Variants in PTPRT observed in about 807,000 individuals in gnomAD.
PTPRT encodes the protein receptor-type tyrosine-protein phosphatase T.
A neutral mutation model predicts 176.8 loss-of-function variants in PTPRT; 56 were observed. The observed-to-expected ratio is 0.32, with a 90% CI of 0.26 to 0.40. The LOEUF (loss-of-function observed/expected upper bound fraction) is 0.40. PTPRT is among the 10% of genes least tolerant of loss of function. The probability of loss-of-function intolerance (pLI) is 1.00; values close to 1 mark genes in which losing one functional copy is unlikely to be tolerated. For missense variants in PTPRT, 1,540 were observed against 1,908.2 expected (o/e 0.81, Z 3.60); for synonymous variants, 783 against 739.0 (o/e 1.06, Z -0.96).
chr20:42,646,834 G>A (rs984264755), intron 7 of PTPRT, among the ~76,000 whole-genome samples: 6 of 131,376 alleles, frequency 4.6e-5, no homozygotes, highest in African/African-American at 1.8e-4. Context: ...ACATGTACCT[G>A]TTCTCCTATC....
intron 8 of PTPRT, among the ~76,000 whole-genome samples, chr20:42,462,585 A>G (rs917804796): frequency 6.6e-6 from 1 of 152,208 alleles, no homozygotes; most frequent in African/African-American, 2.4e-5. Context: ...TGGAGCTACA[A>G]TACTAGAGGG....
intron 15 of PTPRT, among the ~76,000 whole-genome samples, chr20:42,206,844 C>A (rs1419678051): frequency 6.6e-6 from 1 of 152,216 alleles, no homozygotes; most frequent in Admixed American, 6.5e-5. Flanking sequence ...GGGCAGGGCA[C>A]AGACAAACAA....
At chr20:42,540,503 C>T (rs1328781432) in intron 7 of PTPRT, among the ~76,000 whole-genome samples, 1 of 152,044 alleles carries the variant, frequency 6.6e-6, no homozygotes, top group African/African-American at 2.4e-5. Context: ...GGAGGAAGAT[C>T]CCAGAGGACG....
chr20:43,098,492 G>GA (rs2012257272), intron 1 of PTPRT, among the ~76,000 whole-genome samples: 2 of 151,778 alleles, frequency 1.3e-5, no homozygotes, highest in Non-Finnish European at 2.9e-5. Context: ...CGTTAAATAA[G>GA]AAGCGCTCCC....
the PTPRT span, among the ~76,000 whole-genome samples, chr20:42,049,566 A>G: frequency 6.6e-5 from 10 of 152,226 alleles, no homozygotes; most frequent in Admixed American, 2.0e-4. Flanking sequence ...AACTGCAACC[A>G]CAGAAACAAA....
intron 21 of PTPRT, chr20:42,116,091 G>T: frequency 1.4e-6 from 1 of 723,396 alleles, no homozygotes; most frequent in Non-Finnish European, 2.6e-6. Flanking sequence ...AGTGTGTTCC[G>T]CTGGGTGCTA....
intron 9 of PTPRT, among the ~76,000 whole-genome samples, chr20:42,415,663 T>C (rs2059059803): frequency 1.3e-5 from 2 of 152,212 alleles, no homozygotes; most frequent in Non-Finnish European, 2.9e-5. Context: ...ATTTAGGAAA[T>C]AGTCAATACA....
chr20:42,266,964 G>T (rs1487947325), intron 13 of PTPRT, among the ~76,000 whole-genome samples: 2 of 152,118 alleles, frequency 1.3e-5, no homozygotes, highest in Non-Finnish European at 2.9e-5. Context: ...TACAAAAAAA[G>T]AATGTAAAAT....
At chr20:42,339,564 A>T (rs924457566) in intron 11 of PTPRT, among the ~76,000 whole-genome samples, 1 of 152,218 alleles carries the variant, frequency 6.6e-6, no homozygotes, top group Non-Finnish European at 1.5e-5. Context: ...GGTTCCCTGT[A>T]CAGGTTCCTT....
At chr20:42,883,801 A>AT (rs1600516014) in intron 2 of PTPRT, among the ~76,000 whole-genome samples, 29 of 11,054 alleles carry the variant, frequency 2.6e-3, no homozygotes, top group South Asian at 4.9e-3. Flanking sequence ...ATACACACAC[A>AT]ACCCTTACAC....
intron 5 of PTPRT, among the ~76,000 whole-genome samples, chr20:42,769,389 C>T (rs1333844124): frequency 1.3e-5 from 2 of 152,128 alleles, no homozygotes; most frequent in African/African-American, 2.4e-5. Context: ...TATCATCAGT[C>T]CTCTAAGAAA....
intron 4 of PTPRT, among the ~76,000 whole-genome samples, chr20:42,778,081 CAGG>C (rs2077162660): frequency 6.6e-6 from 1 of 152,178 alleles, no homozygotes; most frequent in African/African-American, 2.4e-5. Flanking sequence ...CACCCCTCTG[CAGG>C]AGGAGGATGA....
intron 9 of PTPRT, among the ~76,000 whole-genome samples, chr20:42,355,033 C>T (rs1255919862): frequency 6.6e-6 from 1 of 152,110 alleles, no homozygotes; most frequent in Non-Finnish European, 1.5e-5. Flanking sequence ...CTCTGGTCAC[C>T]CCTACCCACC....
At chr20:42,959,944 C>G (rs982149360) in intron 1 of PTPRT, among the ~76,000 whole-genome samples, 6 of 152,164 alleles carry the variant, frequency 3.9e-5, no homozygotes, top group African/African-American at 1.4e-4. Context: ...CTCGCAAGCT[C>G]ATCTCATCCC....
At chr20:42,322,813 T>C (rs999321063) in intron 11 of PTPRT, among the ~76,000 whole-genome samples, 1 of 152,026 alleles carries the variant, frequency 6.6e-6, no homozygotes, top group East Asian at 1.9e-4. Context: ...ACCATCACAG[T>C]GAACAGGCAA....
chr20:42,034,402 G>A, the PTPRT span, among the ~76,000 whole-genome samples: 2 of 152,228 alleles, frequency 1.3e-5, no homozygotes, highest in East Asian at 3.9e-4. Context: ...GAGAGAGGAG[G>A]AAAGAGGGAG....
chr20:42,836,071 G>A (rs1244012923), intron 2 of PTPRT, among the ~76,000 whole-genome samples: 1 of 151,960 alleles, frequency 6.6e-6, no homozygotes, highest in Non-Finnish European at 1.5e-5. Flanking sequence ...GAGGGCTTGG[G>A]GTCAGCCACC....
At chr20:43,036,900 G>A (rs1356648741) in intron 1 of PTPRT, among the ~76,000 whole-genome samples, 1 of 152,080 alleles carries the variant, frequency 6.6e-6, no homozygotes, top group Admixed American at 6.5e-5. Context: ...AGAAATGCAG[G>A]AAAATGAATT....
At chr20:43,051,223 T>A (rs1165836679) in intron 1 of PTPRT, among the ~76,000 whole-genome samples, 2 of 152,222 alleles carry the variant, frequency 1.3e-5, no homozygotes, top group Non-Finnish European at 2.9e-5. Context: ...TATGTGCCAA[T>A]AATATTGCCC....
Sources: allele counts gnomAD v4.1 joint callset (sites outside exome capture counted in the v4.1 genomes callset), GRCh38; gene constraint gnomAD v4.1.1; transcripts MANE v1.5; gene names NCBI Gene and HGNC (gene_info 2026-07-23, HGNC 2026-07-21).